Variants in SLC22A25 observed in about 807,000 individuals in gnomAD.
SLC22A25 encodes MGI:2442751, MGI:2385316, MGI:3042283, MGI:3645714, MGI:3605624, MGI:2442750.
In SLC22A25, 44 loss-of-function variants were observed where a neutral mutation model predicts 45.9. The observed-to-expected ratio is 0.96, with a 90% CI of 0.75 to 1.23. The LOEUF (loss-of-function observed/expected upper bound fraction) is 1.23, where lower values mean the gene tolerates loss of function less well. Among genes scored for constraint, SLC22A25 ranks in the 50% most tolerant of loss-of-function variants. SLC22A25 has a pLI of 0.00. For missense variants in SLC22A25, 800 were observed against 666.4 expected (o/e 1.20, Z -2.21); for synonymous variants, 283 against 238.6 (o/e 1.19, Z -1.72).
chr11:63,196,391 A>G (rs994225232), intron 7 of SLC22A25, among the ~76,000 whole-genome samples: 1 of 152,182 alleles, frequency 6.6e-6, no homozygotes, highest in African/African-American at 2.4e-5. Context: ...GCAGCACATC[A>G]AAAACCTTAT....
intron 9 of SLC22A25, among the ~76,000 whole-genome samples, chr11:63,177,387 G>A (rs977288885): frequency 7.6e-5 from 11 of 145,038 alleles, no homozygotes; most frequent in South Asian, 2.2e-4. Context: ...TGTGTGTGTC[G>A]AGAACATTTT....
At chr11:63,185,644 T>A (rs1288107858) in intron 7 of SLC22A25, among the ~76,000 whole-genome samples, 3 of 148,084 alleles carry the variant, frequency 2.0e-5, no homozygotes, top group Non-Finnish European at 4.5e-5. Context: ...CTGCACCCAC[T>A]AACTCGTCAT....
chr11:63,189,684 G>A (rs188037213), intron 7 of SLC22A25, among the ~76,000 whole-genome samples: 1,996 of 152,194 alleles, frequency 0.013, 44 homozygotes, highest in African/African-American at 0.044. Context: ...GGCTGGTACC[G>A]GTTGTTCCTT....
intron 7 of SLC22A25, among the ~76,000 whole-genome samples, chr11:63,188,694 T>A (rs1233247323): frequency 6.6e-6 from 1 of 152,232 alleles, no homozygotes; most frequent in Non-Finnish European, 1.5e-5. Flanking sequence ...GTGCTATAAA[T>A]TTCCCTCTAC....
rs755634556 is a variant in SLC22A25 at position 63,166,389 on chromosome 11, T to G, written c.1071-131A>C. ...GGCAGAGTGTGTTTTGTGGAATATTTTCTTGCAAGTTGATATTTTAAAGTT... is the reference window on the plus strand; with the variant it reads ...GGCAGAGTGTGTTTTGTGGAATATTGTCTTGCAAGTTGATATTTTAAAGTT... On this transcript the variant is annotated intron_variant, in intron 9 of 11. Transcript: ENST00000306494. 8 of 1,450,750 alleles carry G rather than the reference T, an allele frequency of 5.5e-6. No individual in the cohort carries two copies. The East Asian group carries it at 1.7e-4, about 32-fold the overall frequency. 89.9% of individuals were successfully genotyped at this position (1,450,750 alleles called of 1,614,324 possible).
intron 3 of SLC22A25, among the ~76,000 whole-genome samples, chr11:63,230,630 C>T (rs1011218408): frequency 1.3e-5 from 2 of 152,076 alleles, no homozygotes. Context: ...CCATACAGTT[C>T]ACCCTTTTAA....
rs1054787410 is a variant in SLC22A25 at position 63,158,843 on chromosome 11, A to G, written c.*4981T>C. Reference sequence around the variant, plus strand: ...GTTGTGCTATCAAATAGTAGATCTTATTCATTCTTTCCAACTTCCTTTTTT... The same window carrying G: ...GTTGTGCTATCAAATAGTAGATCTTGTTCATTCTTTCCAACTTCCTTTTTT... On this transcript the variant is annotated 3_prime_UTR_variant, in exon 12 of 12. Coordinates refer to ENST00000306494, the MANE Select transcript of SLC22A25 (RefSeq NM_199352.6). Among the ~76,000 whole-genome samples, 2 of 152,146 alleles carry G rather than the reference A, an allele frequency of 1.3e-5. No homozygotes were observed. Among genetic ancestry groups the G allele is most frequent in the Non-Finnish European group, 2.9e-5 (2 of 68,022 alleles).
intron 7 of SLC22A25, among the ~76,000 whole-genome samples, chr11:63,205,449 C>A (rs908416154): frequency 6.6e-6 from 1 of 151,858 alleles, no homozygotes; most frequent in Non-Finnish European, 1.5e-5. Flanking sequence ...CAAATTGGCA[C>A]AATAAAAAAT....
chr11:63,224,166 A>G (rs1026536145), intron 5 of SLC22A25, among the ~76,000 whole-genome samples: 24 of 151,992 alleles, frequency 1.6e-4, no homozygotes, highest in African/African-American at 5.8e-4. Flanking sequence ...TATAATTTTT[A>G]TATCCTCTTG....
intron 7 of SLC22A25, among the ~76,000 whole-genome samples, chr11:63,185,920 C>T (rs1162242340): frequency 6.6e-6 from 1 of 151,218 alleles, no homozygotes; most frequent in Non-Finnish European, 1.5e-5. Flanking sequence ...ATATGTGCCA[C>T]ATTTTCTTAA....
At chr11:63,168,275 C>T (rs1478492387) in intron 9 of SLC22A25, among the ~76,000 whole-genome samples, 1 of 152,120 alleles carries the variant, frequency 6.6e-6, no homozygotes, top group Non-Finnish European at 1.5e-5. Flanking sequence ...CAAATGATGA[C>T]ATTTCTCTCC....
chr11:63,208,551 G>A (rs1321762018), intron 7 of SLC22A25, among the ~76,000 whole-genome samples: 2 of 152,126 alleles, frequency 1.3e-5, no homozygotes, highest in Admixed American at 1.3e-4. Flanking sequence ...AAGTCCTGGG[G>A]TAGGAGTGGT....
intron 7 of SLC22A25, among the ~76,000 whole-genome samples, chr11:63,209,209 G>A (rs1373774427): frequency 6.6e-6 from 1 of 152,018 alleles, no homozygotes; most frequent in East Asian, 1.9e-4. Context: ...GCTCAGTGTG[G>A]CACAAACTAG....
At chr11:63,242,938 C>T (rs911337097) in intron 1 of SLC22A25, 1 of 154,402 alleles carries the variant, frequency 6.5e-6, no homozygotes, top group Non-Finnish European at 1.5e-5. Flanking sequence ...TGTCTCTGCC[C>T]TCACCTCTCC....
chr11:63,180,014 T>C (rs1370598284), intron 9 of SLC22A25, among the ~76,000 whole-genome samples: 1 of 152,180 alleles, frequency 6.6e-6, no homozygotes, highest in African/African-American at 2.4e-5. Context: ...GCATGAGCTG[T>C]AACAACTTTG....
rs1014018329 is a variant in SLC22A25 at position 63,187,062 on chromosome 11, T to C, written c.831-3245A>G. Among the ~76,000 whole-genome samples the C allele has an allele frequency of 3.9e-5, 6 of 152,168 alleles. No individual in the cohort carries two copies. The East Asian group carries it at 9.6e-4, about 24-fold the overall frequency. On this transcript the variant is annotated intron_variant, in intron 7 of 11. Coordinates refer to ENST00000306494, the MANE Select transcript of SLC22A25 (RefSeq NM_199352.6). ...TGGTTCCATATGAACTTTAAAGTAGTTTTTTCCAATTCTATGAAGAAAGTC... is the reference window on the plus strand; with the variant it reads ...TGGTTCCATATGAACTTTAAAGTAGCTTTTTCCAATTCTATGAAGAAAGTC...
intron 9 of SLC22A25, among the ~76,000 whole-genome samples, chr11:63,173,523 G>A (rs896200608): frequency 1.3e-5 from 2 of 152,032 alleles, no homozygotes; most frequent in Admixed American, 1.3e-4. Context: ...CCAGAGGCAG[G>A]GCTCAGTCAC....
chr11:63,238,917 G>T lies in SLC22A25; in HGVS notation c.-777C>A. 4.7e-6 allele frequency: 1 copy of T among 214,792 alleles called. No homozygotes were observed. Among genetic ancestry groups the T allele is most frequent in the South Asian group, 9.0e-5 (1 of 11,122 alleles). 13.3% of individuals were successfully genotyped at this position (214,792 alleles called of 1,614,324 possible). A position where few individuals can be genotyped will look rare whatever the true frequency, so the allele number is the denominator to read the frequency against. ...AGATTCTCAGGAGGGCATCTTGGCT[G>T]AGGATCACAGTTTCTTCGTCCAAGA... On this transcript the variant is annotated 5_prime_UTR_variant, in exon 2 of 12. Coordinates refer to ENST00000306494, the MANE Select transcript of SLC22A25 (RefSeq NM_199352.6).
intron 3 of SLC22A25, among the ~76,000 whole-genome samples, chr11:63,230,829 C>A (rs2090054066): frequency 6.6e-6 from 1 of 152,010 alleles, no homozygotes; most frequent in Admixed American, 6.6e-5. Flanking sequence ...GGCCCCGGTG[C>A]ATGATGTTCC....
Sources: gnomAD v4.1 joint callset for allele counts (sites outside exome capture counted in the v4.1 genomes callset) on GRCh38, gnomAD v4.1.1 for gene constraint, MANE v1.5 for transcripts, NCBI Gene and HGNC (gene_info 2026-07-23, HGNC 2026-07-21) for gene names.